Variants in HBA2 observed in about 807,000 individuals in gnomAD.
The protein encoded by HBA2 is hemoglobin subunit alpha 2, also known as hemoglobin subunit alpha.
HBA2 carries 9 observed loss-of-function variants against 5.6 expected under a neutral mutation model. That is an observed-to-expected ratio of 1.60 (90% confidence interval 0.97 to 2.80). HBA2 has a LOEUF of 2.80. HBA2 is among the 30% of genes most tolerant of loss of function. HBA2 has a pLI of 0.00. For synonymous variants in HBA2, 38 were observed against 73.4 expected (o/e 0.52, Z 2.47); for missense variants, 86 against 152.1 (o/e 0.57, Z 2.29).
rs33972894 is a variant in HBA2, at chr16:173,555, G to C, written c.384G>C (p.Lys128Asn). Residue 128 changes from lysine to asparagine, a missense_variant, in exon 3 of 3, where the codon AAG (lysine) becomes AAC (asparagine). This residue lies in a region of HBA2 where 44 missense variants were observed against 54.8 expected (regional missense o/e 0.80). Coordinates refer to ENST00000251595, the MANE Select transcript of HBA2 (RefSeq NM_000517.6). ...FTPAVHASLDKFLASVSTVLT... is the reference protein window; with the variant it reads ...FTPAVHASLDNFLASVSTVLT... ...CTGCGGTGCACGCCTCCCTGGACAA[G>C]TTCCTGGCTTCTGTGAGCACCGTGC... 6.2e-7 allele frequency: 1 copy of C among 1,608,062 alleles called. No individual in the cohort carries two copies. The highest frequency in any genetic ancestry group is 8.5e-7 in the Non-Finnish European group (1 of 1,179,906).
rs371394396 is a variant in HBA2 at position 173,585 on chromosome 16, C to T, written c.414C>T (p.Thr138=). 2.1e-5 allele frequency: 33 copies of T among 1,608,294 alleles called. 2 individuals are homozygous for T. The highest frequency in any genetic ancestry group is 8.9e-5 in the East Asian group (4 of 44,834). The part of the protein sequence containing the change: ...KFLASVSTVL[T]SKYR Reference sequence around the variant, plus strand: ...TGGCTTCTGTGAGCACCGTGCTGACCTCCAAATACCGTTAAGCTGGAGCCT... The same window carrying T: ...TGGCTTCTGTGAGCACCGTGCTGACTTCCAAATACCGTTAAGCTGGAGCCT... The change falls in exon 3 of 3, where the codon ACC becomes ACT. Residue 138 remains threonine (T), a synonymous_variant. Transcript: ENST00000251595.
Position 173,472 on chromosome 16 carries a change from C to T in HBA2, c.301C>T (p.Leu101Phe). 1 of 1,605,720 alleles carries T rather than the reference C, an allele frequency of 6.2e-7. No homozygotes were observed. Residue 101 changes from leucine (L) to phenylalanine (F), a missense_variant and splice_region_variant, in exon 3 of 3, where the codon CTC becomes TTC. Coordinates refer to ENST00000251595, the MANE Select transcript of HBA2 (RefSeq NM_000517.6). Reference sequence around the variant, plus strand: ...CGCACTGACCCTCTTCTCTGCACAGCTCCTAAGCCACTGCCTGCTGGTGAC... The same window carrying T: ...CGCACTGACCCTCTTCTCTGCACAGTTCCTAAGCCACTGCCTGCTGGTGAC... The part of the protein sequence containing the change: ...KLRVDPVNFK[L>F]LSHCLLVTLA...
Position 173,682 on chromosome 16 carries a change from G to A in HBA2, c.*82G>A, listed in dbSNP as rs1165799259. ...CCCCTCCTTGCACCGGCCCTTCCTG[G>A]TCTTTGAATAAAGTCTGAGTGGGCA... is the stretch of plus-strand genomic sequence containing the variant. On this transcript the variant is annotated 3_prime_UTR_variant, in exon 3 of 3. Coordinates refer to ENST00000251595, the MANE Select transcript of HBA2 (RefSeq NM_000517.6). 8.9e-6 allele frequency: 14 copies of A among 1,569,958 alleles called. 1 individual carries two copies. In the South Asian group the frequency reaches 1.0e-4, roughly 12 times the overall value.
At chr16:173,398 C>T in intron 2 of HBA2, 69 bp downstream of exon 2, 1 of 1,604,892 alleles carries the variant, frequency 6.2e-7, no homozygotes, top group Admixed American at 1.7e-5. Flanking sequence ...GGCAGAGGAT[C>T]ACGCGGGTTG....
At chr16:173,420 G>C in intron 2 of HBA2, 52 bp from the exon 3 acceptor site, 1 of 1,604,660 alleles carries the variant, frequency 6.2e-7, no homozygotes, top group Non-Finnish European at 8.5e-7. Context: ...GGGAGGTGTA[G>C]CGCAGGCGGC....
In HBA2 at chr16:173,576, C is replaced by A; in HGVS notation, c.405C>A (p.Thr135=). Reference sequence around the variant, plus strand: ...ACAAGTTCCTGGCTTCTGTGAGCACCGTGCTGACCTCCAAATACCGTTAAG... The same window carrying A: ...ACAAGTTCCTGGCTTCTGTGAGCACAGTGCTGACCTCCAAATACCGTTAAG... ...SLDKFLASVS[T]VLTSKYR The change falls in exon 3 of 3, where the codon ACC becomes ACA. Residue 135 remains threonine, a synonymous_variant. Coordinates refer to ENST00000251595, the MANE Select transcript of HBA2 (RefSeq NM_000517.6). 1 of 1,608,278 alleles carries A rather than the reference C, an allele frequency of 6.2e-7. No individual in the cohort carries two copies. Among genetic ancestry groups the A allele is most frequent in the Non-Finnish European group, 8.5e-7 (1 of 1,179,902 alleles).
rs1444027231 is a variant in HBA2, at chr16:173,224, C to A, written c.195C>A (p.Asp65Glu). The change falls in exon 2 of 3, where the codon GAC (aspartate) becomes GAA (glutamate). Residue 65 changes from aspartate (D) to glutamate (E), a missense_variant. Around this residue, in one of 3 missense-constraint regions of HBA2, gnomAD observed 25 missense variants for 81.3 expected, o/e 0.31. Transcript: ENST00000251595. ...QVKGHGKKVA[D>E]ALTNAVAHVD... The stretch of plus-strand genomic sequence containing the variant: ...AGGGCCACGGCAAGAAGGTGGCCGA[C>A]GCGCTGACCAACGCCGTGGCGCACG... The A allele has an allele frequency of 7.8e-7, 1 of 1,283,644 alleles. No individual in the cohort carries two copies. The highest frequency in any genetic ancestry group is 2.0e-5 in the Admixed American group (1 of 48,988). 79.5% of individuals were successfully genotyped at this position (1,283,644 alleles called of 1,614,324 possible). A position where few individuals can be genotyped will look rare whatever the true frequency, so the allele number is the denominator to read the frequency against.
At position 173,271 on chromosome 16, in the gene HBA2, T is replaced by G. The variant is rs281864863; in HGVS notation, c.242T>G (p.Leu81Arg). 6.6e-7 allele frequency: 1 copy of G among 1,503,876 alleles called. No individual in the cohort carries two copies. The highest frequency in any genetic ancestry group is 8.9e-7 in the Non-Finnish European group (1 of 1,127,330). 93.2% of individuals were successfully genotyped at this position (1,503,876 alleles called of 1,614,324 possible). A position where few individuals can be genotyped will look rare whatever the true frequency, so the allele number is the denominator to read the frequency against. The change falls in exon 2 of 3, where the codon CTG becomes CGG. Residue 81 changes from leucine (L) to arginine (R), a missense_variant. By Grantham distance (102) the Leu-to-Arg change is moderately radical. Around this residue, in one of 3 missense-constraint regions of HBA2, gnomAD observed 25 missense variants for 81.3 expected, o/e 0.31. Transcript: ENST00000251595. Reference protein sequence around the residue: ...VAHVDDMPNALSALSDLHAHK... With the variant: ...VAHVDDMPNARSALSDLHAHK... ...CACGTGGACGACATGCCCAACGCGC[T>G]GTCCGCCCTGAGCGACCTGCACGCG... is the stretch of plus-strand genomic sequence containing the variant.
Position 173,601 on chromosome 16 carries a change from G to C in HBA2, c.*1G>C, listed in dbSNP as rs758429732. On this transcript the variant is annotated 3_prime_UTR_variant, in exon 3 of 3. Transcript: ENST00000251595. Reference sequence around the variant, plus strand: ...CGTGCTGACCTCCAAATACCGTTAAGCTGGAGCCTCGGTAGCCGTTCCTCC... The same window carrying C: ...CGTGCTGACCTCCAAATACCGTTAACCTGGAGCCTCGGTAGCCGTTCCTCC... The C allele has an allele frequency of 6.8e-6, 11 of 1,608,256 alleles. No individual in the cohort carries two copies. In the Admixed American group the frequency reaches 1.8e-4, roughly 27 times the overall value.
At position 173,516 on chromosome 16, in the gene HBA2, C is replaced by G. The variant is rs1324885450; in HGVS notation, c.345C>G (p.Pro115=). 1 of 1,606,744 alleles carries G rather than the reference C, an allele frequency of 6.2e-7. No individual in the cohort carries two copies. The highest frequency in any genetic ancestry group is 1.4e-5 in the African/African-American group (1 of 69,756). The change falls in exon 3 of 3, where the codon CCC becomes CCG. Residue 115 remains proline (P), a synonymous_variant. Transcript: ENST00000251595. ...TGGTGACCCTGGCCGCCCACCTCCCCGCCGAGTTCACCCCTGCGGTGCACG... is the reference window on the plus strand; with the variant it reads ...TGGTGACCCTGGCCGCCCACCTCCCGGCCGAGTTCACCCCTGCGGTGCACG... The part of the protein sequence containing the change: ...CLLVTLAAHL[P]AEFTPAVHAS...
In HBA2 at chr16:173,455, C is replaced by G. The variant is rs751285512; in HGVS notation, c.301-17C>G. The G allele has an allele frequency of 4.9e-5, 79 of 1,605,178 alleles. No homozygotes were observed. The highest frequency in any genetic ancestry group is 6.4e-5 in the Non-Finnish European group (76 of 1,179,824). ...CGGCTGCGGGCCTGGGCCGCACTGA[C>G]CCTCTTCTCTGCACAGCTCCTAAGC... is the stretch of plus-strand genomic sequence containing the variant. On this transcript the variant is annotated splice_polypyrimidine_tract_variant and intron_variant, in intron 2 of 2. Transcript: ENST00000251595.
chr16:173,588 CA>C lies in HBA2; in HGVS notation c.420del (p.Lys140AsnfsTer9), dbSNP rs63750520. On this transcript the variant is annotated frameshift_variant, in exon 3 of 3. Coordinates refer to ENST00000251595, the MANE Select transcript of HBA2 (RefSeq NM_000517.6). LOFTEE classifies it high-confidence loss of function. Reference protein sequence around the residue: ...LASVSTVLTSKYR With the variant: ...LASVSTVLTSXYR ...CTTCTGTGAGCACCGTGCTGACCTCCAAATACCGTTAAGCTGGAGCCTCGGT... is the reference window on the plus strand; with the variant it reads ...CTTCTGTGAGCACCGTGCTGACCTCCAATACCGTTAAGCTGGAGCCTCGGT... The C allele has an allele frequency of 3.1e-6, 5 of 1,608,338 alleles. No homozygotes were observed. Among genetic ancestry groups the C allele is most frequent in the Non-Finnish European group, 4.2e-6 (5 of 1,179,916 alleles).
chr16:173,533 C>T lies in HBA2; in HGVS notation c.362C>T (p.Ala121Val). ...AAHLPAEFTP[A>V]VHASLDKFLA... ...CACCTCCCCGCCGAGTTCACCCCTG[C>T]GGTGCACGCCTCCCTGGACAAGTTC... Residue 121 changes from alanine (A) to valine (V), a missense_variant, in exon 3 of 3, where the codon GCG (alanine) becomes GTG (valine). Transcript: ENST00000251595. 1 of 1,607,088 alleles carries T rather than the reference C, an allele frequency of 6.2e-7. No homozygotes were observed. Among genetic ancestry groups the T allele is most frequent in the Non-Finnish European group, 8.5e-7 (1 of 1,179,690 alleles).
chr16:172,927 T>C lies in HBA2; in HGVS notation c.15T>C (p.Pro5=). 3.2e-6 allele frequency: 1 copy of C among 307,742 alleles called. No homozygotes were observed. Among genetic ancestry groups the C allele is most frequent in the Non-Finnish European group, 5.6e-6 (1 of 179,988 alleles). 19.1% of individuals were successfully genotyped at this position (307,742 alleles called of 1,614,324 possible). ...GAGAACCCACCATGGTGCTGTCTCC[T>C]GCCGACAAGACCAACGTCAAGGCCG... MVLS[P]ADKTNVKAAW... The change falls in exon 1 of 3, where the codon CCT becomes CCC. Residue 5 remains proline (P), a synonymous_variant. Transcript: ENST00000251595.
intron 2 of HBA2, 39 bp downstream of exon 2, chr16:173,368 A>T (rs1158312056): frequency 1.2e-6 from 2 of 1,601,940 alleles, no homozygotes; most frequent in African/African-American, 2.9e-5. Flanking sequence ...TCGAGGGGCG[A>T]GATGGCGCCT....
At position 173,546 on chromosome 16, in the gene HBA2, C is replaced by G. The variant is rs775058691; in HGVS notation, c.375C>G (p.Ser125=). Residue 125 remains serine (S), a synonymous_variant, in exon 3 of 3, where the codon TCC becomes TCG. Coordinates refer to ENST00000251595, the MANE Select transcript of HBA2 (RefSeq NM_000517.6). ...PAEFTPAVHA[S]LDKFLASVST... is the part of the protein sequence containing the mutation. Reference sequence around the variant, plus strand: ...AGTTCACCCCTGCGGTGCACGCCTCCCTGGACAAGTTCCTGGCTTCTGTGA... The same window carrying G: ...AGTTCACCCCTGCGGTGCACGCCTCGCTGGACAAGTTCCTGGCTTCTGTGA... 124 of 1,607,602 alleles carry G rather than the reference C, an allele frequency of 7.7e-5. 4 individuals are homozygous for G. The Middle Eastern group carries it at 1.3e-3, about 17-fold the overall frequency.
Position 173,557 on chromosome 16 carries a change from TC to T in HBA2, c.388del (p.Leu130TrpfsTer4). On this transcript the variant is annotated frameshift_variant, in exon 3 of 3. Transcript: ENST00000251595. LOFTEE classifies it high-confidence loss of function. The stretch of plus-strand genomic sequence containing the variant: ...GCGGTGCACGCCTCCCTGGACAAGT[TC>T]CTGGCTTCTGTGAGCACCGTGCTGA... ...TPAVHASLDK[F>X]LASVSTVLTS... 1.2e-6 allele frequency: 2 copies of T among 1,607,938 alleles called. No homozygotes were observed. The highest frequency in any genetic ancestry group is 1.7e-6 in the Non-Finnish European group (2 of 1,179,892).
In HBA2 at chr16:173,484, T is replaced by A. The variant is rs1263969213; in HGVS notation, c.313T>A (p.Cys105Ser). ...DPVNFKLLSHCLLVTLAAHLP... is the reference protein window; with the variant it reads ...DPVNFKLLSHSLLVTLAAHLP... ...CTTCTCTGCACAGCTCCTAAGCCAC[T>A]GCCTGCTGGTGACCCTGGCCGCCCA... Residue 105 changes from cysteine (C) to serine (S), a missense_variant, in exon 3 of 3, where the codon TGC becomes AGC. Physicochemically the swap from Cys to Ser is moderately radical, Grantham distance 112 (BLOSUM62 -1). Around this residue, in one of 3 missense-constraint regions of HBA2, gnomAD observed 44 missense variants for 54.8 expected, o/e 0.80. Transcript: ENST00000251595. 6.2e-7 allele frequency: 1 copy of A among 1,606,102 alleles called. No homozygotes were observed. Among genetic ancestry groups the A allele is most frequent in the East Asian group, 2.2e-5 (1 of 44,844 alleles).
chr16:173,310 T>C lies in HBA2; in HGVS notation c.281T>C (p.Val94Ala). The C allele has an allele frequency of 6.5e-7, 1 of 1,539,550 alleles. No homozygotes were observed. Among genetic ancestry groups the C allele is most frequent in the Non-Finnish European group, 8.7e-7 (1 of 1,146,992 alleles). The stretch of plus-strand genomic sequence containing the variant: ...GACCTGCACGCGCACAAGCTTCGGG[T>C]GGACCCGGTCAACTTCAAGGTGAGC... ...LSDLHAHKLR[V>A]DPVNFKLLSH... is the part of the protein sequence containing the mutation. Residue 94 changes from valine (V) to alanine (A), a missense_variant, in exon 2 of 3, where the codon GTG becomes GCG. Physicochemically the swap from Val to Ala is moderately conservative, Grantham distance 64. Transcript: ENST00000251595.
Sources: allele counts gnomAD v4.1 joint callset, GRCh38; gene constraint gnomAD v4.1.1; regional missense constraint gnomAD v4.1.1; transcripts MANE v1.5; gene names NCBI Gene and HGNC (gene_info 2026-07-23, HGNC 2026-07-21).